Variants in LTBP1 observed in about 807,000 individuals in gnomAD.
LTBP1 encodes latent transforming growth factor beta binding protein 1.
Under a neutral mutation model 207.6 loss-of-function variants are expected in LTBP1, and 129 were observed. The observed-to-expected ratio is 0.62, with a 90% confidence interval of 0.54 to 0.72. The LOEUF is 0.72. LTBP1 is among the 30% of genes least tolerant of loss of function. The pLI is 0.00. For missense variants in LTBP1, 2,281 were observed against 2,217.2 expected, an observed-to-expected ratio of 1.03 and a Z score of -0.58; for synonymous variants, 963 against 833.7, an observed-to-expected ratio of 1.16 and a Z score of -2.67.
intron 3 of LTBP1, among the ~76,000 whole-genome samples, chr2:33,076,152 G>A (rs1240689568): frequency 6.6e-6 from 1 of 152,202 alleles, no homozygotes; most frequent in African/African-American, 2.4e-5. Flanking sequence ...AGGATCGGGA[G>A]CTCACCAGGG....
intron 7 of LTBP1, among the ~76,000 whole-genome samples, chr2:33,206,009 A>G (rs2089841083): frequency 6.6e-6 from 1 of 152,092 alleles, no homozygotes; most frequent in African/African-American, 2.4e-5. Flanking sequence ...ACTGTGAGGA[A>G]ATAAAAAAAA....
At chr2:33,161,253 T>C (rs1291704358) in intron 5 of LTBP1, among the ~76,000 whole-genome samples, 1 of 151,598 alleles carries the variant, frequency 6.6e-6, no homozygotes, top group Non-Finnish European at 1.5e-5. Flanking sequence ...AGGAAGCTTT[T>C]TTTTTTTCCT....
intron 24 of LTBP1, among the ~76,000 whole-genome samples, chr2:33,333,263 A>G (rs1490283618): frequency 6.6e-6 from 1 of 152,038 alleles, no homozygotes; most frequent in Non-Finnish European, 1.5e-5. Flanking sequence ...GGTTCAGAAA[A>G]TAATTTTGTT....
At chr2:33,182,343 A>G (rs759978787) in intron 5 of LTBP1, among the ~76,000 whole-genome samples, 3 of 151,978 alleles carry the variant, frequency 2.0e-5, no homozygotes, top group Non-Finnish European at 4.4e-5. Flanking sequence ...GTAAAAGTCA[A>G]TTGGTTACTG....
chr2:33,379,214 T>C (rs1249379535), intron 31 of LTBP1, among the ~76,000 whole-genome samples: 110 of 148,458 alleles, frequency 7.4e-4, no homozygotes, highest in Non-Finnish European at 1.4e-3. Flanking sequence ...TTTTTTTTTT[T>C]TTTTTCTTTT....
intron 31 of LTBP1, among the ~76,000 whole-genome samples, chr2:33,375,421 C>G (rs1276349778): frequency 6.6e-6 from 1 of 152,200 alleles, no homozygotes; most frequent in Non-Finnish European, 1.5e-5. Context: ...CCCCTGTGTA[C>G]TTGCAGAGAA....
At chr2:32,977,118 C>A (rs891071514) in intron 2 of LTBP1, among the ~76,000 whole-genome samples, 1 of 152,230 alleles carries the variant, frequency 6.6e-6, no homozygotes, top group Non-Finnish European at 1.5e-5. Context: ...AGAAGAAGGA[C>A]CAGTGGACTG....
At position 33,301,504 on chromosome 2, in the gene LTBP1, G is replaced by T; in HGVS notation, c.3359-18G>T. 6.4e-7 allele frequency: 1 copy of T among 1,565,642 alleles called. No individual in the cohort carries two copies. The highest frequency in any genetic ancestry group is 1.2e-5 in the South Asian group (1 of 82,958). The stretch of plus-strand genomic sequence containing the variant: ...GAAGCACCACTTCCACAGTTTCTTT[G>T]TATTCTCTTGCTCATAGACATTGAT... On this transcript the variant is annotated intron_variant, in intron 21 of 33. Transcript: ENST00000404816.
chr2:33,144,305 C>T (rs1207882008), intron 5 of LTBP1, among the ~76,000 whole-genome samples: 1 of 152,162 alleles, frequency 6.6e-6, no homozygotes, highest in African/African-American at 2.4e-5. Flanking sequence ...TACACTTAAG[C>T]TTGCTGTGGG....
chr2:33,351,789 T>TC (rs1469095577), intron 26 of LTBP1, among the ~76,000 whole-genome samples: 1 of 152,208 alleles, frequency 6.6e-6, no homozygotes, highest in Non-Finnish European at 1.5e-5. Context: ...GTTCCCTGCA[T>TC]CCTCCTGCAT....
At chr2:33,010,954 G>A (rs1041547396) in intron 2 of LTBP1, among the ~76,000 whole-genome samples, 2 of 152,030 alleles carry the variant, frequency 1.3e-5, no homozygotes, top group South Asian at 2.1e-4. Context: ...TCTTGACCCC[G>A]TGATCTGCCT....
chr2:33,111,001 A>G (rs1352819178), intron 4 of LTBP1, among the ~76,000 whole-genome samples: 2 of 152,132 alleles, frequency 1.3e-5, no homozygotes, highest in African/African-American at 4.8e-5. Context: ...TTTCTGCAAT[A>G]TGGCTTCATG....
chr2:33,185,116 C>T (rs1008212753), intron 5 of LTBP1, among the ~76,000 whole-genome samples: 14 of 152,172 alleles, frequency 9.2e-5, no homozygotes, highest in African/African-American at 3.1e-4. Context: ...GTGGATAAAG[C>T]TCTGGAAGGG....
intron 1 of LTBP1, 115 bp downstream of exon 1, chr2:32,947,933 T>C (rs999222418): frequency 2.2e-6 from 2 of 919,654 alleles, no homozygotes; most frequent in South Asian, 5.5e-5. Context: ...TCGCGCGCGG[T>C]GGGTCGGCTT....
chr2:33,357,516 C>T (rs570721686), intron 26 of LTBP1, among the ~76,000 whole-genome samples: 19 of 152,238 alleles, frequency 1.2e-4, no homozygotes, highest in African/African-American at 2.9e-4. Context: ...GTTTTCTCTT[C>T]CGGGAAGTGA....
chr2:33,107,780 A>T (rs1055549528), intron 3 of LTBP1, among the ~76,000 whole-genome samples: 1 of 152,218 alleles, frequency 6.6e-6, no homozygotes, highest in Non-Finnish European at 1.5e-5. Context: ...GCCCCCGCCA[A>T]CCACTTTGAA....
At chr2:33,016,758 C>T (rs376749596) in intron 2 of LTBP1, among the ~76,000 whole-genome samples, 2 of 152,188 alleles carry the variant, frequency 1.3e-5, no homozygotes. Context: ...GGCAGTGGCT[C>T]ATGCCTGCAA....
intron 15 of LTBP1, among the ~76,000 whole-genome samples, chr2:33,267,635 T>A (rs1456388321): frequency 6.6e-6 from 1 of 152,234 alleles, no homozygotes; most frequent in African/African-American, 2.4e-5. Flanking sequence ...CAGTAAGACA[T>A]TGTAATTTAC....
Position 33,044,787 on chromosome 2 carries a change from T to G in LTBP1, c.863+23581T>G, listed in dbSNP as rs562980439. ...TCTCCAGCACCTGTTGTTTCCTGAG[T>G]TTTTAATGATTGCCATTCTAACTGG... On this transcript the variant is annotated intron_variant, in intron 3 of 33. Coordinates refer to ENST00000404816, the MANE Select transcript of LTBP1 (RefSeq NM_206943.4). Among the ~76,000 whole-genome samples the G allele has an allele frequency of 2.0e-5, 3 of 152,216 alleles. No individual in the cohort carries two copies. The East Asian group carries it at 5.8e-4, about 29-fold the overall frequency.
Sources: allele counts gnomAD v4.1 joint callset (sites outside exome capture counted in the v4.1 genomes callset), GRCh38; gene constraint gnomAD v4.1.1; transcripts MANE v1.5; gene names NCBI Gene and HGNC (gene_info 2026-07-23, HGNC 2026-07-21).